The following HOMER1 variants were observed in gnomAD, a reference collection of about 807,000 sequenced individuals.
HOMER1 encodes the protein homer protein homolog 1.
HOMER1 carries 3 observed loss-of-function variants against 48.9 expected under a neutral mutation model. That is an observed-to-expected ratio of 0.06 (90% confidence interval 0.03 to 0.16). The LOEUF is 0.16. Ranked by LOEUF, HOMER1 falls within the 10% of genes least tolerant of loss-of-function variation. The pLI, the probability that HOMER1 is intolerant of heterozygous loss-of-function variation, is 1.00. For synonymous variants in HOMER1, 134 were observed against 146.4 expected (o/e 0.92, Z 0.61); for missense variants, 247 against 411.4 (o/e 0.60, Z 3.46).
chr5:79,490,743 C>T (rs978974482), intron 1 of HOMER1, among the ~76,000 whole-genome samples: 1 of 146,614 alleles, frequency 6.8e-6, no homozygotes, highest in African/African-American at 2.6e-5. Context: ...TCCAGCCTGG[C>T]CAGTATAGCA....
Position 79,441,968 on chromosome 5 carries a change from G to GGTGT in HOMER1, c.388-2823_388-2820dup, listed in dbSNP as rs147719225. ...TCCTACTTCAGTTATTCTTTTTTGG[G>GGTGT]GTGTGTGTGTGTGTGTGTATACCCA... On this transcript the variant is annotated intron_variant, in intron 4 of 8. Coordinates refer to ENST00000334082, the MANE Select transcript of HOMER1 (RefSeq NM_004272.5). 4.7e-3 allele frequency among the ~76,000 whole-genome samples: 687 copies of GGTGT among 147,618 alleles called. 1 individual carries two copies. Among genetic ancestry groups the GGTGT allele is most frequent in the Non-Finnish European group, 7.6e-3 (508 of 66,864 alleles).
intron 5 of HOMER1, among the ~76,000 whole-genome samples, chr5:79,428,737 T>TA (rs1256931622): frequency 6.6e-6 from 1 of 152,136 alleles, no homozygotes; most frequent in African/African-American, 2.4e-5. Flanking sequence ...GAAGAAAATC[T>TA]ATACTCTGAA....
intron 5 of HOMER1, 81 bp from the exon 6 acceptor site, chr5:79,402,136 G>C (rs1447574018): frequency 5.2e-6 from 6 of 1,150,798 alleles, no homozygotes; most frequent in Non-Finnish European, 7.4e-6. Context: ...CAGTTCTATT[G>C]TAGGGTTTAT....
At chr5:79,487,747 G>A (rs1752150514) in intron 1 of HOMER1, among the ~76,000 whole-genome samples, 1 of 152,146 alleles carries the variant, frequency 6.6e-6, no homozygotes, top group Non-Finnish European at 1.5e-5. Flanking sequence ...GGCAACTGGG[G>A]AACTGTGATC....
intron 2 of HOMER1, among the ~76,000 whole-genome samples, chr5:79,451,414 T>C (rs1045546998): frequency 1.3e-5 from 2 of 152,110 alleles, no homozygotes; most frequent in African/African-American, 4.8e-5. Flanking sequence ...TTTTTTCCTT[T>C]TGAATGTTTA....
chr5:79,460,773 T>C (rs1751299186), intron 1 of HOMER1, among the ~76,000 whole-genome samples: 1 of 152,154 alleles, frequency 6.6e-6, no homozygotes, highest in Non-Finnish European at 1.5e-5. Context: ...ACATCTACAA[T>C]GCACAAGATA....
At chr5:79,451,212 T>C in intron 2 of HOMER1, 91 bp from the exon 3 acceptor site, 2 of 1,326,340 alleles carry the variant, frequency 1.5e-6, no homozygotes, top group South Asian at 2.7e-5. Flanking sequence ...AAGCTTAAGA[T>C]TATCAATAAG....
At chr5:79,377,568 CACA>C (rs5868989) in intron 8 of HOMER1, among the ~76,000 whole-genome samples, 31,555 of 151,914 alleles carry the variant, frequency 0.21, 4,224 homozygotes, top group East Asian at 0.45. Flanking sequence ...ATGTTAGTTA[CACA>C]ACATGATAGC....
At chr5:79,411,045 T>C (rs1749801726) in intron 5 of HOMER1, among the ~76,000 whole-genome samples, 1 of 152,216 alleles carries the variant, frequency 6.6e-6, no homozygotes, top group South Asian at 2.1e-4. Flanking sequence ...CAATTCTTTA[T>C]TCTTGTGGCT....
At chr5:79,467,492 T>C (rs1751504360) in intron 1 of HOMER1, among the ~76,000 whole-genome samples, 1 of 152,114 alleles carries the variant, frequency 6.6e-6, no homozygotes, top group Non-Finnish European at 1.5e-5. Flanking sequence ...GGTACACTTT[T>C]CTACTTGCTA....
At chr5:79,453,621 T>C (rs1751087119) in intron 2 of HOMER1, among the ~76,000 whole-genome samples, 1 of 152,204 alleles carries the variant, frequency 6.6e-6, no homozygotes, top group South Asian at 2.1e-4. Context: ...GTTCTAGTCC[T>C]TTTAAGGAAA....
intron 5 of HOMER1, among the ~76,000 whole-genome samples, chr5:79,432,409 G>A (rs1750451274): frequency 6.6e-6 from 1 of 152,142 alleles, no homozygotes; most frequent in Non-Finnish European, 1.5e-5. Flanking sequence ...AAGAGAAACT[G>A]AGAATCACTA....
chr5:79,456,295 A>C (rs1024222908), intron 2 of HOMER1, among the ~76,000 whole-genome samples: 7 of 152,214 alleles, frequency 4.6e-5, no homozygotes, highest in African/African-American at 1.7e-4. Context: ...TCAGAGAAGT[A>C]ATCTGCCCAA....
intron 1 of HOMER1, among the ~76,000 whole-genome samples, chr5:79,472,463 TA>T (rs1027643286): frequency 2.0e-5 from 3 of 152,078 alleles, no homozygotes; most frequent in African/African-American, 7.2e-5. Context: ...TTTAACAAAG[TA>T]AATACCAATT....
At chr5:79,397,387 C>T (rs1749416222) in intron 7 of HOMER1, 140 bp downstream of exon 7, 2 of 638,864 alleles carry the variant, frequency 3.1e-6, no homozygotes, top group East Asian at 5.7e-5. Context: ...AAGCTTAATA[C>T]CACTCAAGAA....
chr5:79,407,824 A>G (rs1174295456), intron 5 of HOMER1, among the ~76,000 whole-genome samples: 2 of 152,224 alleles, frequency 1.3e-5, no homozygotes, highest in Non-Finnish European at 2.9e-5. Context: ...AAAAAGTACA[A>G]GAACATATTA....
intron 1 of HOMER1, among the ~76,000 whole-genome samples, chr5:79,466,556 T>C (rs1341886603): frequency 2.6e-5 from 4 of 151,792 alleles, no homozygotes; most frequent in Non-Finnish European, 4.4e-5. Flanking sequence ...ATATGGCACA[T>C]TCCATTTTAC....
chr5:79,451,291 T>C (rs60226509), intron 2 of HOMER1, among the ~76,000 whole-genome samples, 170 bp from the exon 3 acceptor site: 6,520 of 152,206 alleles, frequency 0.043, 350 homozygotes, highest in East Asian at 0.28. Context: ...AGTGTGGAAA[T>C]ATGTTAACTA....
At chr5:79,498,359 G>A (rs897128348) in intron 1 of HOMER1, among the ~76,000 whole-genome samples, 4 of 152,148 alleles carry the variant, frequency 2.6e-5, no homozygotes, top group Non-Finnish European at 5.9e-5. Flanking sequence ...TTGCACCATT[G>A]CACTCCAGCC....
Sources: gnomAD v4.1 joint callset for allele counts (sites outside exome capture counted in the v4.1 genomes callset) on GRCh38, gnomAD v4.1.1 for gene constraint, MANE v1.5 for transcripts, NCBI Gene and HGNC (gene_info 2026-07-23, HGNC 2026-07-21) for gene names.